UBR3: variants seen among roughly 807,000 people sequenced by gnomAD.
UBR3 encodes the protein ubiquitin protein ligase E3 component n-recognin 3, also known as E3 ubiquitin-protein ligase UBR3.
A neutral mutation model predicts 243.2 loss-of-function variants in UBR3; 85 were observed. The ratio of observed to expected loss-of-function variants is 0.35; its 90% CI spans 0.29 to 0.42. The LOEUF is 0.42. Ranked by LOEUF, UBR3 falls within the 10% of genes least tolerant of loss-of-function variation. UBR3 has a pLI of 1.00. For missense variants in UBR3, 1,686 were observed against 2,300.8 expected (o/e 0.73, Z 5.47); for synonymous variants, 748 against 799.8 (o/e 0.94, Z 1.09).
intron 8 of UBR3, among the ~76,000 whole-genome samples, chr2:169,897,742 C>G (rs1054377592): frequency 6.6e-6 from 1 of 152,090 alleles, no homozygotes; most frequent in African/African-American, 2.4e-5. Flanking sequence ...CTCAGGTGAT[C>G]CCCCTGCCTC....
rs182693872 is a variant in UBR3 at position 170,059,112 on chromosome 2, G to A, written c.4786-1967G>A. 1.1e-3 allele frequency among the ~76,000 whole-genome samples: 162 copies of A among 151,848 alleles called. 2 individuals carry two copies. The South Asian group carries it at 0.021, about 20-fold the overall frequency. ...TTAAGCTTCAAGAGCCTACTTTTTC[G>A]TTTATTCAAAGATTGCCTATATAAA... On this transcript the variant is annotated intron_variant, in intron 33 of 38. Transcript: ENST00000272793.
At chr2:170,005,967 T>A (rs2089898297) in intron 27 of UBR3, among the ~76,000 whole-genome samples, 1 of 152,042 alleles carries the variant, frequency 6.6e-6, no homozygotes, top group South Asian at 2.1e-4. Flanking sequence ...GGTGCTGAGA[T>A]GTGAGAGATG....
At chr2:169,996,881 A>G (rs967386724) in intron 26 of UBR3, among the ~76,000 whole-genome samples, 7 of 151,240 alleles carry the variant, frequency 4.6e-5, no homozygotes, top group African/African-American at 1.7e-4. Context: ...TTATATTTTT[A>G]GTAGAGACAG....
intron 1 of UBR3, among the ~76,000 whole-genome samples, chr2:169,871,701 T>A (rs1284343472): frequency 7.2e-6 from 1 of 139,644 alleles, no homozygotes; most frequent in Non-Finnish European, 1.5e-5. Context: ...TGAGCCGAGA[T>A]TGTGCCACTG....
At chr2:169,837,917 A>G (rs2082160562) in intron 1 of UBR3, among the ~76,000 whole-genome samples, 1 of 152,174 alleles carries the variant, frequency 6.6e-6, no homozygotes, top group Admixed American at 6.5e-5. Context: ...TCACAGACCA[A>G]ACCTATGTGT....
chr2:170,072,257 T>A (rs567983197), intron 35 of UBR3, among the ~76,000 whole-genome samples: 65 of 152,144 alleles, frequency 4.3e-4, no homozygotes, highest in African/African-American at 1.5e-3. Context: ...AAAGGATGAG[T>A]TCATATCCTT....
chr2:169,829,287 T>C (rs1038014760), intron 1 of UBR3, among the ~76,000 whole-genome samples: 2 of 152,152 alleles, frequency 1.3e-5, no homozygotes, highest in African/African-American at 2.4e-5. Context: ...AAGTAATAAA[T>C]TCCTTAAACA....
chr2:170,005,092 C>T (rs1306221351), intron 27 of UBR3, among the ~76,000 whole-genome samples: 1 of 152,010 alleles, frequency 6.6e-6, no homozygotes, highest in African/African-American at 2.4e-5. Flanking sequence ...GGCGCTGTGG[C>T]GGGTGCCTGT....
intron 1 of UBR3, among the ~76,000 whole-genome samples, chr2:169,837,268 G>A (rs1013176177): frequency 6.6e-6 from 1 of 152,230 alleles, no homozygotes; most frequent in African/African-American, 2.4e-5. Context: ...CCTGAGGTCG[G>A]GAGTTCGAGA....
chr2:169,890,553 A>ATATATATG (rs2084309274), intron 5 of UBR3, among the ~76,000 whole-genome samples: 1 of 96,418 alleles, frequency 1.0e-5, no homozygotes, highest in Non-Finnish European at 1.9e-5. Context: ...ATATATATAT[A>ATATATATG]TATATATATA....
intron 26 of UBR3, among the ~76,000 whole-genome samples, chr2:169,995,440 T>G (rs1248983768): frequency 6.6e-6 from 1 of 152,232 alleles, no homozygotes; most frequent in Non-Finnish European, 1.5e-5. Flanking sequence ...TTTAGAAGTT[T>G]TGATGATGTT....
intron 36 of UBR3, among the ~76,000 whole-genome samples, chr2:170,074,942 G>T (rs1475608507): frequency 6.6e-6 from 1 of 152,168 alleles, no homozygotes; most frequent in Non-Finnish European, 1.5e-5. Context: ...CAATTAAGTT[G>T]TGGGGTGGTG....
In UBR3 at chr2:170,081,741, C is replaced by G. The variant is rs749224247; in HGVS notation, c.5565C>G (p.Leu1855=). 6.2e-7 allele frequency: 1 copy of G among 1,605,144 alleles called. No homozygotes were observed. Among genetic ancestry groups the G allele is most frequent in the Non-Finnish European group, 8.5e-7 (1 of 1,175,890 alleles). ...TTTGTTCTAGGCGAGGCAAACCTCT[C>G]TACATTTGTAAGGAAAGATACAAAG... ...EDRDLRRGKP[L]YICKERYKVL... Residue 1855 remains leucine, a synonymous_variant, in exon 39 of 39, where the codon CTC becomes CTG. Coordinates refer to ENST00000272793, the MANE Select transcript of UBR3 (RefSeq NM_172070.4).
At chr2:169,943,577 G>C (rs538104464) in intron 20 of UBR3, among the ~76,000 whole-genome samples, 22 of 152,134 alleles carry the variant, frequency 1.4e-4, no homozygotes, top group African/African-American at 4.3e-4. Context: ...CTCCAGCCTG[G>C]GTGACAGAGC....
At chr2:169,896,943 T>C in intron 8 of UBR3, among the ~76,000 whole-genome samples, 1 of 152,160 alleles carries the variant, frequency 6.6e-6, no homozygotes. Context: ...GTTACGGACA[T>C]CTTTGAAAAT....
intron 18 of UBR3, among the ~76,000 whole-genome samples, chr2:169,929,101 G>A (rs2086018216): frequency 6.6e-6 from 1 of 151,958 alleles, no homozygotes; most frequent in Admixed American, 6.6e-5. Context: ...AAACTATAAA[G>A]GAAATTTATA....
chr2:170,081,666 G>GA lies in UBR3; in HGVS notation c.5550-57dup, dbSNP rs1407600616. On this transcript the variant is annotated intron_variant, in intron 38 of 38. Coordinates refer to ENST00000272793, the MANE Select transcript of UBR3 (RefSeq NM_172070.4). Reference sequence around the variant, plus strand: ...ACTGTCTCAGAAAAAAAAGAAGAAAGAAATGCATGTGAAATCTTCCGTGTA... The same window carrying GA: ...ACTGTCTCAGAAAAAAAAGAAGAAAGAAAATGCATGTGAAATCTTCCGTGTA... 8.6e-6 allele frequency: 11 copies of GA among 1,284,884 alleles called. No individual in the cohort carries two copies. In the African/African-American group the frequency reaches 1.4e-4, roughly 16 times the overall value. 79.6% of individuals were successfully genotyped at this position (1,284,884 alleles called of 1,614,324 possible). A position where few individuals can be genotyped will look rare whatever the true frequency, so the allele number is the denominator to read the frequency against.
intron 4 of UBR3, 80 bp downstream of exon 4, chr2:169,877,717 T>G: frequency 7.3e-7 from 1 of 1,360,928 alleles, no homozygotes. Flanking sequence ...TTACTCATTA[T>G]TGAAAAAAAT....
intron 1 of UBR3, among the ~76,000 whole-genome samples, chr2:169,866,075 C>T (rs1262602085): frequency 2.2e-5 from 3 of 137,104 alleles, no homozygotes; most frequent in African/African-American, 8.4e-5. Flanking sequence ...CGCTTGAACC[C>T]GGGAGGCGGA....
Sources: allele counts gnomAD v4.1 joint callset (sites outside exome capture counted in the v4.1 genomes callset), GRCh38; gene constraint gnomAD v4.1.1; transcripts MANE v1.5; gene names NCBI Gene and HGNC (gene_info 2026-07-23, HGNC 2026-07-21).